RBFOX3: variants seen among roughly 807,000 people sequenced by gnomAD.
The protein encoded by RBFOX3 is RNA binding protein fox-1 homolog 3.
Under a neutral mutation model 48.7 loss-of-function variants are expected in RBFOX3, and 17 were observed. The observed-to-expected ratio is 0.35, with a 90% CI of 0.24 to 0.52. RBFOX3 has a LOEUF of 0.52. Ranked by LOEUF, RBFOX3 falls within the 20% of genes least tolerant of loss-of-function variation. RBFOX3 has a pLI of 0.94. For synonymous variants in RBFOX3, 212 were observed against 209.5 expected, an observed-to-expected ratio of 1.01 and a Z score of -0.10; for missense variants, 382 against 497.5, an observed-to-expected ratio of 0.77 and a Z score of 2.21.
At position 79,115,550 on chromosome 17, in the gene RBFOX3, C is replaced by T. The variant is rs748110754; in HGVS notation, c.166G>A (p.Glu56Lys). 5.4e-5 allele frequency: 72 copies of T among 1,334,718 alleles called. No individual in the cohort carries two copies. The highest frequency in any genetic ancestry group is 6.2e-5 in the Non-Finnish European group (64 of 1,040,066). The allele number at this position is 1,334,718 out of a possible 1,614,324, so 82.7% of individuals were successfully genotyped here. A position where few individuals can be genotyped will look rare whatever the true frequency, so the allele number is the denominator to read the frequency against. The change falls in exon 5 of 15, where the codon GAG becomes AAG. Residue 56 changes from glutamate to lysine, a missense_variant. Coordinates refer to ENST00000693108, the MANE Select transcript of RBFOX3 (RefSeq NM_001350451.2). ...TLYTPAQTHP[E>K]QPGSEASTQP... ...GTGCTGGCCTCGGAGCCTGGCTGCTCGGGGTGGGTCTGTGCTGGTGTGTAC... is the reference window on the plus strand; with the variant it reads ...GTGCTGGCCTCGGAGCCTGGCTGCTTGGGGTGGGTCTGTGCTGGTGTGTAC...
At chr17:79,456,502 C>T (rs1245912098) in intron 2 of RBFOX3, among the ~76,000 whole-genome samples, 1 of 152,192 alleles carries the variant, frequency 6.6e-6, no homozygotes, top group African/African-American at 2.4e-5. Context: ...AGACCAAGCC[C>T]CAGCCCCTCT....
chr17:79,609,966 GC>G (rs1261253211), intron 1 of RBFOX3, among the ~76,000 whole-genome samples: 1 of 152,024 alleles, frequency 6.6e-6, no homozygotes, highest in Non-Finnish European at 1.5e-5. Flanking sequence ...GGCGTGCCCG[GC>G]TTTCCCAGCC....
At chr17:79,586,190 G>A (rs924464789) in intron 1 of RBFOX3, among the ~76,000 whole-genome samples, 4 of 152,202 alleles carry the variant, frequency 2.6e-5, no homozygotes, top group Admixed American at 1.3e-4. Flanking sequence ...TCCTAGACAC[G>A]AGGGTGCCCC....
chr17:79,526,259 C>A (rs1313675473), intron 1 of RBFOX3, among the ~76,000 whole-genome samples: 2 of 152,192 alleles, frequency 1.3e-5, no homozygotes, highest in Non-Finnish European at 2.9e-5. Context: ...TCAGCCAGAG[C>A]GGCCCTGAAC....
At chr17:79,643,871 T>C in the RBFOX3 span, among the ~76,000 whole-genome samples, 1 of 147,804 alleles carries the variant, frequency 6.8e-6, no homozygotes, top group East Asian at 2.0e-4. Context: ...GCTTCTACCT[T>C]ACAAAACTTT....
At position 79,125,355 on chromosome 17, in the gene RBFOX3, G is replaced by C. The variant is rs140267991; in HGVS notation, c.-33-9607C>G. Among the ~76,000 whole-genome samples the C allele has an allele frequency of 1.6e-3, 244 of 152,318 alleles. 2 individuals carry two copies. Among genetic ancestry groups the C allele is most frequent in the African/African-American group, 5.5e-3 (228 of 41,572 alleles). Reference sequence around the variant, plus strand: ...ACTTAGTTTGTGGGATGGGGACAATGACTCATCTGCCTGGAGGCAGGGCCG... The same window carrying C: ...ACTTAGTTTGTGGGATGGGGACAATCACTCATCTGCCTGGAGGCAGGGCCG... On this transcript the variant is annotated intron_variant, in intron 4 of 14. Transcript: ENST00000693108.
chr17:79,511,364 G>T (rs1044256693), intron 1 of RBFOX3, among the ~76,000 whole-genome samples: 10 of 152,282 alleles, frequency 6.6e-5, no homozygotes, highest in African/African-American at 2.2e-4. Context: ...CCTAATATGT[G>T]TCGGGGCTGG....
chr17:79,579,415 C>T (rs1397227586), intron 1 of RBFOX3, among the ~76,000 whole-genome samples: 1 of 152,362 alleles, frequency 6.6e-6, no homozygotes, highest in East Asian at 1.9e-4. Flanking sequence ...CCTTGATATT[C>T]ACAGGTCATT....
At chr17:79,448,047 T>C (rs1056904819) in intron 2 of RBFOX3, among the ~76,000 whole-genome samples, 4 of 152,190 alleles carry the variant, frequency 2.6e-5, no homozygotes, top group African/African-American at 4.8e-5. Context: ...CCTTCCGCCA[T>C]GATTGGAAGT....
At chr17:79,406,830 G>C (rs895680078) in intron 2 of RBFOX3, among the ~76,000 whole-genome samples, 74 of 152,324 alleles carry the variant, frequency 4.9e-4, no homozygotes, top group African/African-American at 1.5e-3. Context: ...TGAGCAGCCA[G>C]GACCTGGGGG....
the RBFOX3 span, among the ~76,000 whole-genome samples, chr17:79,622,751 T>C: frequency 6.6e-6 from 1 of 152,118 alleles, no homozygotes; most frequent in African/African-American, 2.4e-5. Flanking sequence ...TCTTCAAAGA[T>C]CCTCTCTCCA....
intron 1 of RBFOX3, among the ~76,000 whole-genome samples, chr17:79,498,010 G>A (rs1448510663): frequency 1.3e-5 from 2 of 152,332 alleles, no homozygotes; most frequent in African/African-American, 2.4e-5. Flanking sequence ...GAACAGCTGT[G>A]GGTGCTGAGG....
chr17:79,453,939 C>T (rs558438839), intron 2 of RBFOX3, among the ~76,000 whole-genome samples: 95 of 152,248 alleles, frequency 6.2e-4, no homozygotes, highest in East Asian at 2.1e-3. Flanking sequence ...CCTCTCAGCC[C>T]GGGGTGGACA....
At chr17:79,483,286 G>C (rs892231225) in intron 1 of RBFOX3, among the ~76,000 whole-genome samples, 2 of 151,748 alleles carry the variant, frequency 1.3e-5, no homozygotes, top group Non-Finnish European at 2.9e-5. Flanking sequence ...TCGGCAGTCT[G>C]GCTCCCTCTC....
chr17:79,474,821 G>A (rs34392651), intron 2 of RBFOX3, among the ~76,000 whole-genome samples: 41,832 of 151,850 alleles, frequency 0.28, 6,459 homozygotes, highest in Admixed American at 0.37. Context: ...TTCAGCACCC[G>A]TGCCCACCCA....
intron 2 of RBFOX3, among the ~76,000 whole-genome samples, chr17:79,366,341 C>T (rs1295552986): frequency 6.6e-6 from 1 of 152,240 alleles, no homozygotes; most frequent in East Asian, 1.9e-4. Context: ...CTGTTCATGC[C>T]TGCAGACCGT....
At chr17:79,159,185 G>A (rs1270830036) in intron 4 of RBFOX3, among the ~76,000 whole-genome samples, 1 of 152,214 alleles carries the variant, frequency 6.6e-6, no homozygotes, top group Non-Finnish European at 1.5e-5. Flanking sequence ...GGTGGCCAGG[G>A]AGGCTCTGAC....
chr17:79,388,088 G>GTGTGTGCATGTGGACATGTA (rs2060830225), intron 2 of RBFOX3, among the ~76,000 whole-genome samples: 1 of 152,200 alleles, frequency 6.6e-6, no homozygotes, highest in Non-Finnish European at 1.5e-5. Flanking sequence ...ACGTGTGCAT[G>GTGTGTGCATGTGGACATGTA]TGTGTGCATG....
chr17:79,429,710 A>G (rs2068062411), intron 2 of RBFOX3, among the ~76,000 whole-genome samples: 1 of 152,142 alleles, frequency 6.6e-6, no homozygotes, highest in Middle Eastern at 3.4e-3. Context: ...TTTACAGAAG[A>G]CAAAACCGAG....
Sources: allele counts gnomAD v4.1 joint callset (sites outside exome capture counted in the v4.1 genomes callset), GRCh38; gene constraint gnomAD v4.1.1; transcripts MANE v1.5; gene names NCBI Gene and HGNC (gene_info 2026-07-23, HGNC 2026-07-21).